Variants in POU6F2 observed in about 807,000 individuals in gnomAD.
POU6F2 encodes the protein POU class 6 homeobox 2, also known as POU domain, class 6, transcription factor 2.
A neutral mutation model predicts 71.3 loss-of-function variants in POU6F2; 31 were observed. The observed-to-expected ratio is 0.43, with a 90% CI of 0.33 to 0.59. POU6F2 has a LOEUF of 0.59. POU6F2 is among the 20% of genes least tolerant of loss of function. The pLI, the probability that POU6F2 is intolerant of heterozygous loss-of-function variation, is 0.04. For missense variants in POU6F2, 783 were observed against 856.8 expected, an observed-to-expected ratio of 0.91 and a Z score of 1.07; for synonymous variants, 347 against 355.7, an observed-to-expected ratio of 0.98 and a Z score of 0.27.
At chr7:39,073,637 G>A (rs1046979378) in intron 1 of POU6F2, among the ~76,000 whole-genome samples, 8 of 152,200 alleles carry the variant, frequency 5.3e-5, no homozygotes, top group Non-Finnish European at 1.0e-4. Flanking sequence ...AGCAGCTGGC[G>A]CTGGGCGCAG....
At chr7:39,333,707 C>T (rs1185953657) in intron 4 of POU6F2, among the ~76,000 whole-genome samples, 1 of 152,144 alleles carries the variant, frequency 6.6e-6, no homozygotes, top group Non-Finnish European at 1.5e-5. Flanking sequence ...CACTGCACTC[C>T]AGCCTGGGTG....
At chr7:39,359,217 G>A (rs375929139) in intron 5 of POU6F2, among the ~76,000 whole-genome samples, 1 of 152,062 alleles carries the variant, frequency 6.6e-6, no homozygotes, top group South Asian at 2.1e-4. Context: ...ACCTAACAAC[G>A]TGTTAGACAG....
At chr7:39,059,799 A>G (rs562862014) in intron 1 of POU6F2, among the ~76,000 whole-genome samples, 10 of 152,362 alleles carry the variant, frequency 6.6e-5, no homozygotes, top group African/African-American at 2.4e-4. Context: ...ATTGATGAAC[A>G]GATAAAGAAA....
At chr7:39,402,786 A>C (rs1199257857) in intron 5 of POU6F2, among the ~76,000 whole-genome samples, 1 of 152,182 alleles carries the variant, frequency 6.6e-6, no homozygotes, top group Non-Finnish European at 1.5e-5. Flanking sequence ...AAGAAAAAAA[A>C]GTAAAATAAA....
chr7:39,104,642 C>T (rs144646372), intron 2 of POU6F2, among the ~76,000 whole-genome samples: 1 of 152,276 alleles, frequency 6.6e-6, no homozygotes, highest in East Asian at 1.9e-4. Context: ...GCATCATTTC[C>T]ACCACTGTCT....
chr7:39,187,938 C>G (rs770850188), intron 2 of POU6F2, among the ~76,000 whole-genome samples: 10 of 152,214 alleles, frequency 6.6e-5, no homozygotes, highest in Non-Finnish European at 1.2e-4. Flanking sequence ...ACAGGTTCCA[C>G]TAAAGTGTCG....
At chr7:39,121,606 G>A (rs1181698277) in intron 2 of POU6F2, among the ~76,000 whole-genome samples, 1 of 152,106 alleles carries the variant, frequency 6.6e-6, no homozygotes, top group Non-Finnish European at 1.5e-5. Flanking sequence ...TCTTTGGCCA[G>A]CATAACTTTT....
At chr7:39,014,718 AT>A (rs965705914) in intron 1 of POU6F2, among the ~76,000 whole-genome samples, 12 of 150,696 alleles carry the variant, frequency 8.0e-5, no homozygotes, top group East Asian at 3.9e-4. Context: ...AAATTGCAAG[AT>A]TTTTTTTTTC....
chr7:39,281,998 G>C (rs529561253), intron 4 of POU6F2, among the ~76,000 whole-genome samples: 1 of 152,116 alleles, frequency 6.6e-6, no homozygotes, highest in South Asian at 2.1e-4. Flanking sequence ...TTGGGGTGAA[G>C]TGGTATCTCA....
At chr7:39,291,835 G>A (rs899019833) in intron 4 of POU6F2, among the ~76,000 whole-genome samples, 13 of 152,098 alleles carry the variant, frequency 8.5e-5, no homozygotes, top group African/African-American at 1.4e-4. Context: ...ACGAATGAGC[G>A]GAGTTTGACC....
At chr7:39,040,889 G>T (rs1379742308) in intron 1 of POU6F2, among the ~76,000 whole-genome samples, 1 of 151,740 alleles carries the variant, frequency 6.6e-6, no homozygotes, top group Non-Finnish European at 1.5e-5. Context: ...TCACACAAAC[G>T]CATACACTTT....
intron 4 of POU6F2, among the ~76,000 whole-genome samples, chr7:39,212,531 C>T (rs62443964): frequency 0.02 from 3,029 of 152,208 alleles, 51 homozygotes; most frequent in Non-Finnish European, 0.027. Flanking sequence ...TCGTACCTTG[C>T]CTTGAGTGCC....
chr7:39,321,160 C>T (rs1365927003), intron 4 of POU6F2, among the ~76,000 whole-genome samples: 1 of 152,172 alleles, frequency 6.6e-6, no homozygotes, highest in African/African-American at 2.4e-5. Flanking sequence ...TCTCAAAATA[C>T]TGTAATCTTT....
At chr7:39,343,187 A>C (rs1785956260) in intron 5 of POU6F2, among the ~76,000 whole-genome samples, 1 of 152,198 alleles carries the variant, frequency 6.6e-6, no homozygotes, top group African/African-American at 2.4e-5. Flanking sequence ...TGTAGAACCC[A>C]AAATCAAATT....
intron 1 of POU6F2, among the ~76,000 whole-genome samples, chr7:38,989,801 TTGTGTGTG>T (rs375334324): frequency 4.2e-4 from 60 of 143,144 alleles, no homozygotes; most frequent in African/African-American, 1.4e-3. Flanking sequence ...CTGTGTGTGT[TTGTGTGTG>T]TGTGTGTGTG....
intron 6 of POU6F2, among the ~76,000 whole-genome samples, chr7:39,424,484 CAT>C (rs930381184): frequency 1.7e-4 from 26 of 152,128 alleles, no homozygotes; most frequent in Admixed American, 9.8e-4. Flanking sequence ...AATTTTAAAA[CAT>C]GTGTTCGTGG....
At chr7:39,094,401 ATATT>A (rs1406470462) in intron 2 of POU6F2, among the ~76,000 whole-genome samples, 6 of 152,178 alleles carry the variant, frequency 3.9e-5, no homozygotes, top group African/African-American at 1.4e-4. Context: ...CACAATATAA[ATATT>A]TATCCTTTTC....
intron 5 of POU6F2, among the ~76,000 whole-genome samples, chr7:39,396,815 G>A (rs948413191): frequency 6.6e-6 from 1 of 152,032 alleles, no homozygotes; most frequent in Non-Finnish European, 1.5e-5. Flanking sequence ...CTGTCTGTGG[G>A]GCTTTGGCCT....
At chr7:39,227,115 C>T (rs943633918) in intron 4 of POU6F2, among the ~76,000 whole-genome samples, 1 of 152,164 alleles carries the variant, frequency 6.6e-6, no homozygotes, top group African/African-American at 2.4e-5. Flanking sequence ...TCATCTCTTC[C>T]TCCATGAACC....
Sources: allele counts gnomAD v4.1 joint callset (sites outside exome capture counted in the v4.1 genomes callset), GRCh38; gene constraint gnomAD v4.1.1; transcripts MANE v1.5; gene names NCBI Gene and HGNC (gene_info 2026-07-23, HGNC 2026-07-21).